The following CACNA1E variants were observed in gnomAD, a reference collection of about 807,000 sequenced individuals.
CACNA1E encodes the protein calcium voltage-gated channel subunit alpha1 E.
A neutral mutation model predicts 259.2 loss-of-function variants in CACNA1E; 40 were observed. That is an observed-to-expected ratio of 0.15 (90% CI 0.12 to 0.20). CACNA1E has a LOEUF of 0.20. Among genes scored for constraint, CACNA1E ranks in the 10% least tolerant of loss-of-function variants. The probability of loss-of-function intolerance (pLI) is 1.00; values close to 1 mark genes in which losing one functional copy is unlikely to be tolerated. For missense variants in CACNA1E, 1,874 were observed against 3,040.1 expected (o/e 0.62, Z 9.02); for synonymous variants, 1,104 against 1,138.5 (o/e 0.97, Z 0.61).
chr1:181,525,568 C>T (rs981000741), intron 3 of CACNA1E, among the ~76,000 whole-genome samples: 2 of 152,196 alleles, frequency 1.3e-5, no homozygotes, highest in Non-Finnish European at 2.9e-5. Context: ...TACTGGTTAA[C>T]ATTTGTCAAA....
chr1:181,731,092 C>T, intron 18 of CACNA1E, 83 bp from the exon 19 acceptor site: 3 of 1,085,380 alleles, frequency 2.8e-6, no homozygotes, highest in Non-Finnish European at 4.2e-6. Context: ...TCCCTGTCTC[C>T]CTCTGGAAAT....
chr1:181,426,407 ACTTCACAACTCAACCC>A (rs1365079969), intron 2 of CACNA1E, among the ~76,000 whole-genome samples: 13 of 113,402 alleles, frequency 1.1e-4, no homozygotes, highest in African/African-American at 3.8e-4. Context: ...CATCTCAGCC[ACTTCACAACTCAACCC>A]CTTCACAACT....
chr1:181,498,193 C>A (rs190951903), intron 1 of CACNA1E, among the ~76,000 whole-genome samples: 2 of 152,282 alleles, frequency 1.3e-5, no homozygotes, highest in Admixed American at 6.5e-5. Flanking sequence ...ATTTTACATA[C>A]TGAATGCAGC....
At chr1:181,487,688 G>A (rs1449156097) in intron 1 of CACNA1E, among the ~76,000 whole-genome samples, 1 of 152,150 alleles carries the variant, frequency 6.6e-6, no homozygotes, top group African/African-American at 2.4e-5. Flanking sequence ...CGTGCCTCAT[G>A]CTTACCAGCT....
chr1:181,645,949 G>A (rs560949389), intron 6 of CACNA1E, among the ~76,000 whole-genome samples: 123 of 152,346 alleles, frequency 8.1e-4, no homozygotes, highest in African/African-American at 2.7e-3. Context: ...AGGGGAGGGT[G>A]TGCTGGCCTG....
intron 2 of CACNA1E, 23 bp downstream of exon 2, chr1:181,510,605 C>G (rs760147739): frequency 5.6e-6 from 8 of 1,437,966 alleles, no homozygotes; most frequent in Non-Finnish European, 6.9e-6. Flanking sequence ...CCTCCTTCTC[C>G]CCTTTGCCCC....
At chr1:181,741,563 C>G (rs1572762520) in intron 25 of CACNA1E, among the ~76,000 whole-genome samples, 1 of 152,302 alleles carries the variant, frequency 6.6e-6, no homozygotes, top group Non-Finnish European at 1.5e-5. Context: ...AGACACACCC[C>G]CCTTGCCTAT....
intron 1 of CACNA1E, among the ~76,000 whole-genome samples, chr1:181,503,462 A>G (rs1048418737): frequency 1.3e-5 from 2 of 152,324 alleles, no homozygotes; most frequent in Non-Finnish European, 2.9e-5. Context: ...CCATATTCTC[A>G]GGAGGTTCTG....
intron 1 of CACNA1E, among the ~76,000 whole-genome samples, chr1:181,379,374 G>A (rs566954671): frequency 3.3e-5 from 5 of 152,216 alleles, no homozygotes; most frequent in Admixed American, 2.0e-4. Context: ...CAAACCACAA[G>A]CAAAAGAAAC....
chr1:181,614,428 T>C (rs1372313366), intron 6 of CACNA1E, among the ~76,000 whole-genome samples: 2 of 152,252 alleles, frequency 1.3e-5, no homozygotes, highest in African/African-American at 4.8e-5. Flanking sequence ...ACAGTATTGC[T>C]CTAAACACAG....
chr1:181,497,978 C>T (rs187338905), intron 1 of CACNA1E, among the ~76,000 whole-genome samples: 25 of 152,228 alleles, frequency 1.6e-4, no homozygotes, highest in African/African-American at 5.5e-4. Context: ...TTTCCCCCGC[C>T]AAAACTCCAC....
chr1:181,700,787 C>T (rs901905243), intron 7 of CACNA1E, among the ~76,000 whole-genome samples: 14 of 152,182 alleles, frequency 9.2e-5, no homozygotes, highest in African/African-American at 3.1e-4. Flanking sequence ...GAAAGGACAG[C>T]GAGTGGAAAG....
intron 10 of CACNA1E, 51 bp from the exon 11 acceptor site, chr1:181,717,042 C>G: frequency 2.6e-6 from 4 of 1,522,538 alleles, no homozygotes; most frequent in Non-Finnish European, 3.6e-6. Context: ...CTCCCTGGCC[C>G]GGACCACAGG....
chr1:181,579,283 A>T (rs907183470), intron 5 of CACNA1E, 59 bp downstream of exon 5: 7 of 1,407,494 alleles, frequency 5.0e-6, no homozygotes, highest in Middle Eastern at 1.8e-4. Flanking sequence ...AACTGGGGTA[A>T]TTTCAGGGCA....
chr1:181,652,558 T>C (rs991924558), intron 7 of CACNA1E, among the ~76,000 whole-genome samples: 5 of 152,160 alleles, frequency 3.3e-5, no homozygotes, highest in Non-Finnish European at 7.3e-5. Flanking sequence ...AGTTTAATTG[T>C]TTAGGGAATG....
At chr1:181,794,475 A>G (rs1661612156) in intron 45 of CACNA1E, among the ~76,000 whole-genome samples, 1 of 151,924 alleles carries the variant, frequency 6.6e-6, no homozygotes, top group African/African-American at 2.4e-5. Context: ...TGCTTCTTTC[A>G]TGAATGGGGT....
chr1:181,344,683 C>T (rs1652451379), intron 1 of CACNA1E, among the ~76,000 whole-genome samples: 2 of 152,192 alleles, frequency 1.3e-5, no homozygotes, highest in Non-Finnish European at 2.9e-5. Flanking sequence ...CCTAACAGCC[C>T]ACCTCCACTT....
intron 1 of CACNA1E, among the ~76,000 whole-genome samples, chr1:181,506,559 C>T (rs912208833): frequency 2.6e-5 from 4 of 152,172 alleles, no homozygotes; most frequent in African/African-American, 9.7e-5. Flanking sequence ...GAGCAAAACT[C>T]CTGCTTTCAA....
chr1:181,321,918 G>A (rs1650383241), intron 1 of CACNA1E, among the ~76,000 whole-genome samples: 1 of 152,200 alleles, frequency 6.6e-6, no homozygotes, highest in Non-Finnish European at 1.5e-5. Context: ...AGCTTCAGCA[G>A]TCCCACAATT....
Sources: allele counts gnomAD v4.1 joint callset (sites outside exome capture counted in the v4.1 genomes callset), GRCh38; gene constraint gnomAD v4.1.1; transcripts MANE v1.5; gene names NCBI Gene and HGNC (gene_info 2026-07-23, HGNC 2026-07-21).